The following STIM1 variants were observed in gnomAD, a reference collection of about 807,000 sequenced individuals.
STIM1 encodes the protein stromal interaction molecule 1.
A neutral mutation model predicts 74.7 loss-of-function variants in STIM1; 25 were observed. The ratio of observed to expected loss-of-function variants is 0.33; its 90% CI spans 0.24 to 0.47. The LOEUF (loss-of-function observed/expected upper bound fraction) is 0.47. Ranked by LOEUF, STIM1 falls within the 20% of genes least tolerant of loss-of-function variation. The pLI is 1.00. For synonymous variants in STIM1, 328 were observed against 348.8 expected (o/e 0.94, Z 0.66); for missense variants, 728 against 920.8 (o/e 0.79, Z 2.71).
chr11:4,043,716 C>A (rs1242178223), intron 3 of STIM1, among the ~76,000 whole-genome samples: 1 of 151,884 alleles, frequency 6.6e-6, no homozygotes, highest in Non-Finnish European at 1.5e-5. Context: ...TAGATTATGT[C>A]ATTAAAAAGA....
intron 1 of STIM1, among the ~76,000 whole-genome samples, chr11:3,964,999 A>G (rs2135726477): frequency 6.6e-6 from 1 of 152,354 alleles, no homozygotes; most frequent in Non-Finnish European, 1.5e-5. Context: ...TGCTGGGATC[A>G]CAGGTGTGAG....
At chr11:3,895,667 T>TTCC (rs1565104775) in intron 1 of STIM1, among the ~76,000 whole-genome samples, 7 of 37,484 alleles carry the variant, frequency 1.9e-4, no homozygotes, top group Admixed American at 3.0e-4. Context: ...TCTTTCTTTC[T>TTCC]TTCTTTCCTT....
At chr11:3,998,138 C>A (rs992732960) in intron 2 of STIM1, among the ~76,000 whole-genome samples, 2 of 152,142 alleles carry the variant, frequency 1.3e-5, no homozygotes, top group African/African-American at 4.8e-5. Flanking sequence ...TTGTGCCAGG[C>A]ACTATTCTAA....
chr11:3,857,614 T>C (rs2090436960), intron 1 of STIM1, among the ~76,000 whole-genome samples: 1 of 151,884 alleles, frequency 6.6e-6, no homozygotes, highest in Non-Finnish European at 1.5e-5. Flanking sequence ...TTGGCTGTGA[T>C]CTGCCCAAAG....
At chr11:3,932,887 C>T (rs1302379176) in intron 1 of STIM1, among the ~76,000 whole-genome samples, 1 of 152,076 alleles carries the variant, frequency 6.6e-6, no homozygotes, top group Non-Finnish European at 1.5e-5. Flanking sequence ...GTATTTTTGT[C>T]ATAGCAGCTT....
intron 2 of STIM1, among the ~76,000 whole-genome samples, chr11:3,988,194 A>G (rs868182986): frequency 2.3e-4 from 35 of 152,168 alleles, no homozygotes; most frequent in African/African-American, 8.4e-4. Flanking sequence ...CTGAGCAGTG[A>G]ATCGAAGTTG....
chr11:3,889,058 A>G (rs2091819607), intron 1 of STIM1, among the ~76,000 whole-genome samples: 1 of 150,906 alleles, frequency 6.6e-6, no homozygotes, highest in Non-Finnish European at 1.5e-5. Flanking sequence ...GAGGTGATGC[A>G]TCAGTGGTCT....
chr11:4,036,590 A>C (rs61897235), intron 3 of STIM1, among the ~76,000 whole-genome samples: 2,081 of 152,162 alleles, frequency 0.014, 25 homozygotes, highest in Non-Finnish European at 0.022. Flanking sequence ...TTTGATTTGC[A>C]TTTCTCTAAT....
At chr11:3,974,071 G>A in intron 2 of STIM1, 1 of 704,094 alleles carries the variant, frequency 1.4e-6, no homozygotes. Context: ...CAAACCCAAA[G>A]CCCCTGGAGC....
At chr11:4,013,890 G>A (rs545530193) in intron 2 of STIM1, among the ~76,000 whole-genome samples, 25 of 151,616 alleles carry the variant, frequency 1.6e-4, no homozygotes, top group African/African-American at 5.6e-4. Flanking sequence ...TATTTTTTTA[G>A]TAGAGACAGG....
chr11:3,959,553 C>A (rs1239688618), intron 1 of STIM1, among the ~76,000 whole-genome samples: 2 of 152,088 alleles, frequency 1.3e-5, no homozygotes, highest in Non-Finnish European at 2.9e-5. Flanking sequence ...TTGGTTCTTA[C>A]CACTTGGATG....
intron 1 of STIM1, among the ~76,000 whole-genome samples, chr11:3,964,461 C>G (rs747531834): frequency 6.6e-6 from 1 of 152,150 alleles, no homozygotes; most frequent in Non-Finnish European, 1.5e-5. Flanking sequence ...TCATCTGATG[C>G]TAGCAGCAAA....
intron 1 of STIM1, chr11:3,866,997 G>T (rs1009593910): frequency 2.0e-5 from 3 of 152,192 alleles, no homozygotes; most frequent in Non-Finnish European, 2.9e-5. Flanking sequence ...CAGAGAGTAT[G>T]TGCCCAGTAG....
intron 1 of STIM1, among the ~76,000 whole-genome samples, chr11:3,919,898 C>G (rs142432832): frequency 0.011 from 1,604 of 152,194 alleles, 13 homozygotes; most frequent in Non-Finnish European, 0.017. Context: ...GACAACATAG[C>G]AAGAATCAGT....
At chr11:3,928,519 G>A (rs368140441) in intron 1 of STIM1, among the ~76,000 whole-genome samples, 4 of 151,990 alleles carry the variant, frequency 2.6e-5, no homozygotes, top group African/African-American at 9.7e-5. Context: ...GAGCCACAAC[G>A]CTCGGCTGCT....
intron 1 of STIM1, among the ~76,000 whole-genome samples, chr11:3,868,671 G>A (rs1466628818): frequency 6.6e-6 from 1 of 152,140 alleles, no homozygotes; most frequent in Non-Finnish European, 1.5e-5. Flanking sequence ...GGAAAGAGAG[G>A]CTGTATTTTA....
intron 3 of STIM1, among the ~76,000 whole-genome samples, chr11:4,050,514 T>C (rs1014532702): frequency 1.3e-5 from 2 of 152,254 alleles, no homozygotes; most frequent in African/African-American, 4.8e-5. Flanking sequence ...ATTTGTCTTT[T>C]TGAATTGCAA....
intron 1 of STIM1, among the ~76,000 whole-genome samples, chr11:3,857,537 T>C (rs2090433556): frequency 6.6e-6 from 1 of 152,018 alleles, no homozygotes; most frequent in African/African-American, 2.4e-5. Context: ...CAAGGAACTC[T>C]ATTAAAATCC....
chr11:3,861,328 G>C (rs1156987292), intron 1 of STIM1, among the ~76,000 whole-genome samples: 1 of 151,678 alleles, frequency 6.6e-6, no homozygotes, highest in Admixed American at 6.6e-5. Flanking sequence ...CCACCTCCCA[G>C]GTTCATGCCA....
Sources: allele counts gnomAD v4.1 joint callset (sites outside exome capture counted in the v4.1 genomes callset), GRCh38; gene constraint gnomAD v4.1.1; transcripts MANE v1.5; gene names NCBI Gene and HGNC (gene_info 2026-07-23, HGNC 2026-07-21).